Variants in DPP6 observed in about 807,000 individuals in gnomAD.
DPP6 encodes A-type potassium channel modulatory protein DPP6.
DPP6 carries 69 observed loss-of-function variants against 122.6 expected under a neutral mutation model. The ratio of observed to expected loss-of-function variants is 0.56; its 90% CI spans 0.46 to 0.69. The LOEUF is 0.69. Ranked by LOEUF, DPP6 falls within the 30% of genes least tolerant of loss-of-function variation. DPP6 has a pLI of 0.00. For missense variants in DPP6, 928 were observed against 1,116.9 expected, an observed-to-expected ratio of 0.83 and a Z score of 2.41; for synonymous variants, 418 against 433.1, an observed-to-expected ratio of 0.97 and a Z score of 0.43.
At chr7:154,109,363 T>C (rs1457565682) in intron 1 of DPP6, among the ~76,000 whole-genome samples, 6 of 152,222 alleles carry the variant, frequency 3.9e-5, no homozygotes, top group African/African-American at 1.4e-4. Context: ...CAATCTCAGT[T>C]CATTGCAACC....
At chr7:154,536,607 T>C (rs10232522) in intron 3 of DPP6, among the ~76,000 whole-genome samples, 31,063 of 151,998 alleles carry the variant, frequency 0.2, 3,763 homozygotes, top group Non-Finnish European at 0.28. Context: ...CTGACACATA[T>C]AATAAACAGC....
At chr7:153,873,414 C>T in the DPP6 span, among the ~76,000 whole-genome samples, 1,018 of 152,200 alleles carry the variant, frequency 6.7e-3, 10 homozygotes, top group African/African-American at 0.023. Flanking sequence ...CTTAAAACTA[C>T]GTTTGAGGCC....
intron 1 of DPP6, among the ~76,000 whole-genome samples, chr7:154,369,104 G>A (rs934941404): frequency 5.9e-5 from 9 of 151,984 alleles, no homozygotes; most frequent in African/African-American, 1.7e-4. Context: ...TCGTTCGTTC[G>A]TTTGTTTTTG....
At chr7:153,812,277 G>A in the DPP6 span, among the ~76,000 whole-genome samples, 7 of 151,880 alleles carry the variant, frequency 4.6e-5, no homozygotes, top group Non-Finnish European at 8.8e-5. Flanking sequence ...TTTAACATTT[G>A]GGCCAGGGGA....
intron 1 of DPP6, chr7:154,059,627 G>C (rs1036965406): frequency 6.7e-6 from 1 of 149,324 alleles, no homozygotes; most frequent in Non-Finnish European, 1.5e-5. Flanking sequence ...AGGGGGCGGG[G>C]ACCCGGAACT....
intron 7 of DPP6, among the ~76,000 whole-genome samples, chr7:154,725,584 A>C (rs1286488355): frequency 6.6e-6 from 1 of 152,168 alleles, no homozygotes; most frequent in Non-Finnish European, 1.5e-5. Context: ...ACCTCCCACC[A>C]GGCCCCACCT....
chr7:153,855,941 C>G, the DPP6 span, among the ~76,000 whole-genome samples: 19 of 152,270 alleles, frequency 1.2e-4, no homozygotes, highest in African/African-American at 4.3e-4. Context: ...TTTCTCCCAA[C>G]TATTATGTAG....
At chr7:154,061,102 T>G (rs1303238998) in intron 1 of DPP6, among the ~76,000 whole-genome samples, 9 of 148,668 alleles carry the variant, frequency 6.1e-5, no homozygotes, top group Admixed American at 6.7e-5. Context: ...AAGCAGGTTA[T>G]TTGCAATCTA....
At chr7:154,583,334 A>G (rs1832209641) in intron 5 of DPP6, among the ~76,000 whole-genome samples, 2 of 152,244 alleles carry the variant, frequency 1.3e-5, no homozygotes, top group South Asian at 2.1e-4. Context: ...CTATGTGCCA[A>G]TCTCCTCAGG....
chr7:154,686,867 C>T (rs918060397), intron 7 of DPP6, among the ~76,000 whole-genome samples: 1 of 151,952 alleles, frequency 6.6e-6, no homozygotes, highest in African/African-American at 2.4e-5. Context: ...ACTCACATGC[C>T]CTCCAGTCAG....
intron 1 of DPP6, among the ~76,000 whole-genome samples, chr7:154,066,408 C>T (rs1474458420): frequency 1.3e-5 from 2 of 152,108 alleles, no homozygotes; most frequent in Admixed American, 6.6e-5. Context: ...GGACTTGTCC[C>T]TACTGAACAG....
intron 1 of DPP6, among the ~76,000 whole-genome samples, chr7:153,927,622 T>C (rs180891582): frequency 6.6e-6 from 1 of 152,328 alleles, no homozygotes; most frequent in Admixed American, 6.5e-5. Context: ...CATGTCGTCT[T>C]AAAAGTGATT....
At chr7:154,548,525 CAA>C (rs200806772) in intron 4 of DPP6, among the ~76,000 whole-genome samples, 45 of 76,092 alleles carry the variant, frequency 5.9e-4, no homozygotes, top group Admixed American at 6.2e-4. Flanking sequence ...GACTCCATCT[CAA>C]AAAAAAAAAA....
chr7:154,719,973 T>A (rs900575628), intron 7 of DPP6, among the ~76,000 whole-genome samples: 3 of 152,132 alleles, frequency 2.0e-5, no homozygotes, highest in African/African-American at 7.2e-5. Flanking sequence ...ACCTCCCTTA[T>A]CCTCTCCCCC....
rs574776410 is a variant in DPP6, at chr7:154,340,327, A to G, written c.244-105887A>G. Among the ~76,000 whole-genome samples, 9 of 152,342 alleles carry G rather than the reference A, an allele frequency of 5.9e-5. No individual in the cohort carries two copies. In the East Asian group the frequency reaches 1.5e-3, roughly 26 times the overall value. The stretch of plus-strand genomic sequence containing the variant: ...CATATTGCAATGTACAAGCAGCTGA[A>G]CAATGAAATAAATCCAAAATCCCCA... On this transcript the variant is annotated intron_variant, in intron 1 of 25. Coordinates refer to ENST00000377770, the MANE Select transcript of DPP6 (RefSeq NM_130797.4).
At chr7:154,656,678 G>A (rs6959828) in intron 6 of DPP6, among the ~76,000 whole-genome samples, 119,357 of 151,444 alleles carry the variant, frequency 0.79, 48,670 homozygotes, top group South Asian at 0.91. Flanking sequence ...TAGGCGTTGG[G>A]CTGATGATGG....
At chr7:154,406,015 G>A (rs1353526800) in intron 1 of DPP6, among the ~76,000 whole-genome samples, 2 of 152,038 alleles carry the variant, frequency 1.3e-5, no homozygotes, top group African/African-American at 4.8e-5. Context: ...CTTAGATACT[G>A]GTACATTAAG....
chr7:154,473,365 C>T (rs10225004), intron 2 of DPP6, among the ~76,000 whole-genome samples: 283 of 152,274 alleles, frequency 1.9e-3, no homozygotes, highest in African/African-American at 6.5e-3. Context: ...CTATGTTCAG[C>T]GCCCGGGATA....
At chr7:154,340,692 T>C (rs1031606755) in intron 1 of DPP6, among the ~76,000 whole-genome samples, 9 of 152,352 alleles carry the variant, frequency 5.9e-5, no homozygotes, top group African/African-American at 9.6e-5. Context: ...AACTAACATG[T>C]GTTTTTCATG....
Sources: gnomAD v4.1 joint callset for allele counts (sites outside exome capture counted in the v4.1 genomes callset) on GRCh38, gnomAD v4.1.1 for gene constraint, MANE v1.5 for transcripts, NCBI Gene and HGNC (gene_info 2026-07-23, HGNC 2026-07-21) for gene names.